ASH1L: variants seen among roughly 807,000 people sequenced by gnomAD.
ASH1L encodes the protein ASH1 like histone lysine methyltransferase.
A neutral mutation model predicts 269.0 loss-of-function variants in ASH1L; 23 were observed. The ratio of observed to expected loss-of-function variants is 0.09; its 90% CI spans 0.06 to 0.12. The LOEUF is 0.12. ASH1L is among the 10% of genes least tolerant of loss of function. The pLI, the probability that ASH1L is intolerant of heterozygous loss-of-function variation, is 1.00. For missense variants in ASH1L, 2,912 were observed against 3,567.8 expected (o/e 0.82, Z 4.68); for synonymous variants, 1,187 against 1,253.5 (o/e 0.95, Z 1.12).
At position 155,370,602 on chromosome 1, in the gene ASH1L, C is replaced by T; in HGVS notation, c.6588G>A (p.Leu2196=). 6.2e-7 allele frequency: 1 copy of T among 1,614,188 alleles called. No homozygotes were observed. The highest frequency in any genetic ancestry group is 8.5e-7 in the Non-Finnish European group (1 of 1,180,032). Residue 2196 remains leucine (L), a synonymous_variant, in exon 12 of 28, where the codon CTG becomes CTA. Coordinates refer to ENST00000392403, the MANE Select transcript of ASH1L (RefSeq NM_018489.3). The stretch of plus-strand genomic sequence containing the variant: ...CAATCACCATCCCACTATCCAGGTT[C>T]AGGCAGTAGTGGTCACTGTGATTAT... ...QYHNHSDHYC[L]NLDSGMVIDS...
chr1:155,339,367 G>A lies in ASH1L; in HGVS notation c.8462C>T (p.Pro2821Leu). 1.2e-6 allele frequency: 2 copies of A among 1,613,644 alleles called. No homozygotes were observed. The highest frequency in any genetic ancestry group is 2.7e-5 in the African/African-American group (2 of 75,020). The change falls in exon 26 of 28, where the codon CCT becomes CTT. Residue 2821 changes from proline (P) to leucine (L), a missense_variant and splice_region_variant. By Grantham distance (98) the Pro-to-Leu change is moderately conservative. Transcript: ENST00000392403. ...KKLTPKKDFS[P>L]HYVPDNYKRN... ...CTTGTAGTTGTCTGGGACGTAATGA[G>A]GCTGCAGAGAAGAAAAGGAAGAGGT...
chr1:155,345,988 T>C (rs967198419), intron 21 of ASH1L: 1 of 381,136 alleles, frequency 2.6e-6, no homozygotes, highest in South Asian at 2.1e-5. Context: ...CACGCCTCCA[T>C]GCCCGGCTAA....
At chr1:155,539,771 T>C (rs113129002) in intron 1 of ASH1L, among the ~76,000 whole-genome samples, 7,024 of 151,802 alleles carry the variant, frequency 0.046, 225 homozygotes, top group Non-Finnish European at 0.071. Flanking sequence ...CAGTGGCTCA[T>C]GCCTGTAATC....
intron 12 of ASH1L, among the ~76,000 whole-genome samples, chr1:155,366,028 G>T (rs181290554): frequency 6.6e-6 from 1 of 152,182 alleles, no homozygotes; most frequent in Non-Finnish European, 1.5e-5. Flanking sequence ...CTTGTATAGA[G>T]GTTGGGTAAA....
rs200632189 is a variant in ASH1L at position 155,479,353 on chromosome 1, G to A, written c.3517C>T (p.His1173Tyr). Residue 1173 changes from histidine to tyrosine, a missense_variant, in exon 3 of 28, where the codon CAC becomes TAC. His to Tyr is a moderately conservative substitution (Grantham distance 83). Around this residue, in one of 13 missense-constraint regions of ASH1L, gnomAD observed 157 missense variants for 154.6 expected, o/e 1.02. Transcript: ENST00000392403. ...TTTAGAGATGTGAGTTCACTCAAGTGCGAAGGAGAATTTGGCAACAAAGTA... is the reference window on the plus strand; with the variant it reads ...TTTAGAGATGTGAGTTCACTCAAGTACGAAGGAGAATTTGGCAACAAAGTA... ...PPTLLPNSPS[H>Y]LSELTSLKEA... 1.2e-6 allele frequency: 2 copies of A among 1,614,124 alleles called. No homozygotes were observed. The highest frequency in any genetic ancestry group is 1.7e-5 in the Admixed American group (1 of 60,002).
chr1:155,533,550 T>TA (rs879679136), intron 1 of ASH1L, among the ~76,000 whole-genome samples: 1,631 of 140,496 alleles, frequency 0.012, 26 homozygotes, highest in African/African-American at 0.037. Flanking sequence ...CGTCTCCACT[T>TA]AAAAAAAAAA....
rs1186891494 is a variant in ASH1L, at chr1:155,348,911, T to TATACACACAC, written c.7554+415_7554+416insGTGTGTGTAT. Among the ~76,000 whole-genome samples the TATACACACAC allele has an allele frequency of 6.8e-4, 96 of 140,424 alleles. 1 individual carries two copies. Among genetic ancestry groups the TATACACACAC allele is most frequent in the Middle Eastern group, 3.6e-3 (1 of 276 alleles). The allele number at this position is 140,424 out of a possible 152,430, so 92.1% of individuals were successfully genotyped here. On this transcript the variant is annotated intron_variant, in intron 19 of 27. Coordinates refer to ENST00000392403, the MANE Select transcript of ASH1L (RefSeq NM_018489.3). ...AAAAAAAAAAAAAAATATATATATA[T>TATACACACAC]ACACACACACACACACACACACACA...
intron 10 of ASH1L, 125 bp from the exon 11 acceptor site, chr1:155,371,108 C>T (rs1460165849): frequency 2.1e-5 from 16 of 771,732 alleles, no homozygotes; most frequent in Admixed American, 1.5e-4. Flanking sequence ...TAAAAGTACC[C>T]GAATCACTAA....
chr1:155,515,550 G>A (rs1477711655), intron 2 of ASH1L, among the ~76,000 whole-genome samples: 3 of 151,976 alleles, frequency 2.0e-5, no homozygotes, highest in African/African-American at 4.8e-5. Flanking sequence ...GTCAATGGCC[G>A]GACACAGGGA....
intron 6 of ASH1L, 97 bp from the exon 7 acceptor site, chr1:155,395,650 C>T (rs965516126): frequency 1.4e-6 from 1 of 703,386 alleles, no homozygotes; most frequent in Non-Finnish European, 2.2e-6. Context: ...GAGAGGGTAC[C>T]AAGTACATTG....
intron 12 of ASH1L, among the ~76,000 whole-genome samples, chr1:155,368,105 C>A (rs534204441): frequency 6.6e-6 from 1 of 152,106 alleles, no homozygotes; most frequent in Non-Finnish European, 1.5e-5. Flanking sequence ...TGGGCTCAGG[C>A]GATCCTACCA....
intron 26 of ASH1L, among the ~76,000 whole-genome samples, chr1:155,338,775 G>A (rs1027066014): frequency 2.0e-5 from 3 of 152,006 alleles, no homozygotes; most frequent in Non-Finnish European, 4.4e-5. Context: ...TTAAATTTTC[G>A]TGCTTCCCTT....
intron 1 of ASH1L, among the ~76,000 whole-genome samples, chr1:155,555,947 G>C (rs1671554725): frequency 6.6e-6 from 1 of 152,204 alleles, no homozygotes; most frequent in Non-Finnish European, 1.5e-5. Context: ...AAATAAGCAA[G>C]AGGGGAAGGA....
intron 3 of ASH1L, among the ~76,000 whole-genome samples, chr1:155,473,804 T>C (rs1285495565): frequency 4.6e-5 from 7 of 152,144 alleles, no homozygotes; most frequent in Admixed American, 4.6e-4. Context: ...CCAGCCTCTT[T>C]ATTTATTAAG....
intron 6 of ASH1L, among the ~76,000 whole-genome samples, chr1:155,411,933 T>C (rs1366282846): frequency 6.6e-6 from 1 of 151,906 alleles, no homozygotes; most frequent in East Asian, 1.9e-4. Context: ...TTGACGCCTA[T>C]GAAGCTTCCA....
rs761154268 is a variant in ASH1L, at chr1:155,338,208, GT to G, written c.8683del (p.Thr2895GlnfsTer44). On this transcript the variant is annotated frameshift_variant, in exon 27 of 28. Transcript: ENST00000392403. LOFTEE classifies it high-confidence loss of function. Reference sequence around the variant, plus strand: ...CTGGGGTTCTTGACTACTTTCCTCTGTTTTTTTTTCACCCTCACTGACGTTA... The same window carrying G: ...CTGGGGTTCTTGACTACTTTCCTCTGTTTTTTTTCACCCTCACTGACGTTA... ...TANVSEGEKKTEESSQEPQST... is the reference protein window; with the variant it reads ...TANVSEGEKKXEESSQEPQST... The G allele has an allele frequency of 2.5e-6, 4 of 1,600,402 alleles. No homozygotes were observed. The highest frequency in any genetic ancestry group is 1.1e-5 in the South Asian group (1 of 90,640).
In ASH1L at chr1:155,562,683, G is replaced by A. The variant is rs1203185349; in HGVS notation, c.-630C>T. 3 of 1,515,806 alleles carry A rather than the reference G, an allele frequency of 2.0e-6. No homozygotes were observed. The highest frequency in any genetic ancestry group is 2.6e-6 in the Non-Finnish European group (3 of 1,132,096). 93.9% of individuals were successfully genotyped at this position (1,515,806 alleles called of 1,614,324 possible). A position where few individuals can be genotyped will look rare whatever the true frequency, so the allele number is the denominator to read the frequency against. On this transcript the variant is annotated 5_prime_UTR_variant, in exon 1 of 28. Transcript: ENST00000392403. ...CTTCGGCCGCCCCGCGCGCCAGCCAGCCCGTACGCGCTCACCCACAGGAAC... is the reference window on the plus strand; with the variant it reads ...CTTCGGCCGCCCCGCGCGCCAGCCAACCCGTACGCGCTCACCCACAGGAAC...
rs1259882636 is a variant in ASH1L at position 155,484,625 on chromosome 1, A to G, written c.421-2176T>C. On this transcript the variant is annotated intron_variant, in intron 2 of 27. Coordinates refer to ENST00000392403, the MANE Select transcript of ASH1L (RefSeq NM_018489.3). ...TCCTAAATCTCAAAACATTACCCAAAAAACAAACAAACAAGCAAGCCAGCC... is the reference window on the plus strand; with the variant it reads ...TCCTAAATCTCAAAACATTACCCAAGAAACAAACAAACAAGCAAGCCAGCC... Among the ~76,000 whole-genome samples, 5 of 151,966 alleles carry G rather than the reference A, an allele frequency of 3.3e-5. No individual in the cohort carries two copies. The East Asian group carries it at 9.6e-4, about 29-fold the overall frequency.
At chr1:155,363,679 A>G (rs1483111012) in intron 12 of ASH1L, among the ~76,000 whole-genome samples, 1 of 151,548 alleles carries the variant, frequency 6.6e-6, no homozygotes, top group African/African-American at 2.4e-5. Flanking sequence ...TTTTTTTTTG[A>G]GACAGAGTCT....
Sources: allele counts gnomAD v4.1 joint callset (sites outside exome capture counted in the v4.1 genomes callset), GRCh38; gene constraint gnomAD v4.1.1; regional missense constraint gnomAD v4.1.1; transcripts MANE v1.5; gene names NCBI Gene and HGNC (gene_info 2026-07-23, HGNC 2026-07-21).